Variants in ZBBX observed in about 807,000 individuals in gnomAD.
The protein encoded by ZBBX is zinc finger B-box domain-containing protein 1.
ZBBX carries 101 observed loss-of-function variants against 108.5 expected under a neutral mutation model. That is an observed-to-expected ratio of 0.93 (90% CI 0.79 to 1.10). The LOEUF is 1.10. ZBBX is among the 50% of genes least tolerant of loss of function. The pLI is 0.00. For synonymous variants in ZBBX, 356 were observed against 323.4 expected, an observed-to-expected ratio of 1.10 and a Z score of -1.08; for missense variants, 1,009 against 941.4, an observed-to-expected ratio of 1.07 and a Z score of -0.94.
intron 10 of ZBBX, among the ~76,000 whole-genome samples, chr3:167,330,865 G>GAAGAAGAAGAAGAAGAAGAAGAAGA (rs1553820632): frequency 0.019 from 414 of 21,564 alleles, 1 homozygote; most frequent in East Asian, 0.061. Flanking sequence ...GGAGGAGGAG[G>GAAGAAGAAGAAGAAGAAGAAGAAGA]AGGAGGAGAA....
At chr3:167,299,171 A>C (rs1732188229) in intron 17 of ZBBX, among the ~76,000 whole-genome samples, 1 of 152,122 alleles carries the variant, frequency 6.6e-6, no homozygotes, top group Non-Finnish European at 1.5e-5. Flanking sequence ...GCTCTAGATG[A>C]GGTTATAGTA....
chr3:167,215,135 A>C, the ZBBX span, among the ~76,000 whole-genome samples: 2 of 152,268 alleles, frequency 1.3e-5, no homozygotes, highest in Non-Finnish European at 2.9e-5. Flanking sequence ...AACAAAAATC[A>C]GAGAAGAACT....
In ZBBX at chr3:167,317,552, T is replaced by G; in HGVS notation, c.1029A>C (p.Pro343=). 6.2e-7 allele frequency: 1 copy of G among 1,611,312 alleles called. No homozygotes were observed. Among genetic ancestry groups the G allele is most frequent in the South Asian group, 1.1e-5 (1 of 90,776 alleles). The change falls in exon 13 of 22, where the codon CCA becomes CCC. Residue 343 remains proline, a synonymous_variant. Transcript: ENST00000675490. ...QLFKMLPDTF[P]HPHETTGDAQ... is the part of the protein sequence containing the mutation. ...CATCACCAGTGGTTTCATGTGGATG[T>G]GGGAACGTATCTGGTAGCATTTTAA...
intron 9 of ZBBX, 145 bp downstream of exon 9, chr3:167,350,275 T>C (rs973153146): frequency 6.1e-6 from 3 of 495,552 alleles, no homozygotes; most frequent in Non-Finnish European, 1.1e-5. Context: ...TTTAAAAATA[T>C]GCATCAGGAT....
the ZBBX span, among the ~76,000 whole-genome samples, chr3:167,195,345 T>A: frequency 6.6e-6 from 1 of 152,204 alleles, no homozygotes; most frequent in African/African-American, 2.4e-5. Context: ...AAGAAATTAG[T>A]GTAACTTTTG....
intron 19 of ZBBX, among the ~76,000 whole-genome samples, chr3:167,287,645 GTCTTTGTAA>G (rs749487764): frequency 5.9e-5 from 9 of 152,018 alleles, no homozygotes; most frequent in Non-Finnish European, 1.3e-4. Flanking sequence ...TTGTAGATTT[GTCTTTGTAA>G]TAAATTTCTC....
At chr3:167,238,914 G>A (rs539179073), downstream of ZBBX, among the ~76,000 whole-genome samples, 1 of 152,214 alleles carries the variant, frequency 6.6e-6, no homozygotes, top group Non-Finnish European at 1.5e-5. Context: ...CAAACTGGCT[G>A]TATTGGGTTC....
At chr3:167,183,647 G>A in the ZBBX span, among the ~76,000 whole-genome samples, 6 of 152,198 alleles carry the variant, frequency 3.9e-5, no homozygotes, top group South Asian at 4.1e-4. Flanking sequence ...ACTAAGGGAT[G>A]GGCTCTGGCT....
rs143931998 is a variant in ZBBX at position 167,350,650 on chromosome 3, C to G, written c.433-135G>C. On this transcript the variant is annotated intron_variant, in intron 8 of 21. Transcript: ENST00000675490. ...TACCTATATCATCAGAATTGAGAAG[C>G]CTGTCCCAGGCTTCTCAACTAGTCC... 1.1e-3 allele frequency: 574 copies of G among 524,112 alleles called. 2 individuals are homozygous for G. Among genetic ancestry groups the G allele is most frequent in the African/African-American group, 0.01 (522 of 50,870 alleles). The allele number at this position is 524,112 out of a possible 1,614,324, so 32.5% of individuals were successfully genotyped here.
At chr3:167,337,050 G>A (rs562667496) in intron 9 of ZBBX, among the ~76,000 whole-genome samples, 4 of 151,968 alleles carry the variant, frequency 2.6e-5, no homozygotes, top group Non-Finnish European at 5.9e-5. Context: ...ACCCAGACTT[G>A]GTCACCACAT....
the ZBBX span, among the ~76,000 whole-genome samples, chr3:167,181,120 C>T: frequency 4.0e-3 from 609 of 152,190 alleles, 2 homozygotes; most frequent in African/African-American, 0.014. Context: ...TAACAACTGC[C>T]GCCATCAAAA....
the ZBBX span, among the ~76,000 whole-genome samples, chr3:167,207,303 A>G: frequency 6.6e-6 from 1 of 152,220 alleles, no homozygotes. Flanking sequence ...AAAATGGTTC[A>G]AGGTCCTGAA....
chr3:167,242,422 A>T (rs1448732754), intron 21 of ZBBX, 83 bp downstream of exon 21: 1 of 1,170,378 alleles, frequency 8.5e-7, no homozygotes, highest in Non-Finnish European at 1.2e-6. Context: ...CAATCTTTCT[A>T]TATATAATAA....
the ZBBX span, among the ~76,000 whole-genome samples, chr3:167,206,156 T>C: frequency 1.3e-5 from 2 of 152,040 alleles, no homozygotes; most frequent in Non-Finnish European, 2.9e-5. Context: ...TACTCTTCCC[T>C]CCAGTGGCCA....
At chr3:167,219,032 C>G in the ZBBX span, among the ~76,000 whole-genome samples, 1 of 151,768 alleles carries the variant, frequency 6.6e-6, no homozygotes, top group Non-Finnish European at 1.5e-5. Flanking sequence ...AAAAGAGAGA[C>G]AGAGACAGAG....
At chr3:167,351,040 G>T (rs1742553112) in intron 8 of ZBBX, among the ~76,000 whole-genome samples, 1 of 151,306 alleles carries the variant, frequency 6.6e-6, no homozygotes, top group Non-Finnish European at 1.5e-5. Flanking sequence ...TTTACTGGTG[G>T]TTCTCAAAGT....
chr3:167,196,084 G>A, the ZBBX span, among the ~76,000 whole-genome samples: 3 of 152,096 alleles, frequency 2.0e-5, no homozygotes, highest in Middle Eastern at 3.4e-3. Context: ...ATCACATAGC[G>A]ATATCACTGA....
chr3:167,322,276 A>T, intron 11 of ZBBX, 39 bp from the exon 12 acceptor site: 1 of 1,414,228 alleles, frequency 7.1e-7, no homozygotes, highest in Non-Finnish European at 9.3e-7. Flanking sequence ...TAAAATAAGC[A>T]AGTTTACAAA....
intron 1 of ZBBX, among the ~76,000 whole-genome samples, chr3:167,397,166 A>T (rs1011581466): frequency 1.4e-4 from 21 of 148,260 alleles, no homozygotes; most frequent in Non-Finnish European, 3.1e-4. Flanking sequence ...AAAAAAAAAA[A>T]TCTGACTCCT....
Sources: gnomAD v4.1 joint callset for allele counts (sites outside exome capture counted in the v4.1 genomes callset) on GRCh38, gnomAD v4.1.1 for gene constraint, MANE v1.5 for transcripts, NCBI Gene and HGNC (gene_info 2026-07-23, HGNC 2026-07-21) for gene names.